The following GJD4 variants were observed in gnomAD, a reference collection of about 807,000 sequenced individuals.
GJD4 encodes the protein gap junction protein delta 4, also known as gap junction delta-4 protein.
Under a neutral mutation model 17.9 loss-of-function variants are expected in GJD4, and 18 were observed. The ratio of observed to expected loss-of-function variants is 1.00; its 90% CI spans 0.69 to 1.49. GJD4 has a LOEUF of 1.49. GJD4 is among the 40% of genes most tolerant of loss of function. GJD4 has a pLI of 0.00. For missense variants in GJD4, 639 were observed against 506.9 expected, an observed-to-expected ratio of 1.26 and a Z score of -2.50; for synonymous variants, 293 against 236.8, an observed-to-expected ratio of 1.24 and a Z score of -2.18.
In GJD4 at chr10:35,608,464, G is replaced by A. The variant is rs1235628693; in HGVS notation, c.951G>A (p.Glu317=). The A allele has an allele frequency of 1.3e-6, 2 of 1,548,616 alleles. No homozygotes were observed. Among genetic ancestry groups the A allele is most frequent in the South Asian group, 2.4e-5 (2 of 83,972 alleles). ...AGCCCCGGGGCAGGCCCCACCGAGA[G>A]GCCGCCCAGGACCCCAGGGGCTCAG... The part of the protein sequence containing the change: ...GRQPRGRPHR[E]AAQDPRGSGS... Residue 317 remains glutamate (E), a synonymous_variant, in exon 2 of 2, where the codon GAG becomes GAA. Transcript: ENST00000321660.
chr10:35,607,128 G>A (rs1835465490), intron 1 of GJD4: 1 of 154,500 alleles, frequency 6.5e-6, no homozygotes, highest in African/African-American at 2.4e-5. Flanking sequence ...TTTCTTTCTG[G>A]ACCTATCAGT....
In GJD4 at chr10:35,608,233, C is replaced by G. The variant is rs1329876204; in HGVS notation, c.720C>G (p.Ser240Arg). Residue 240 changes from serine to arginine, a missense_variant, in exon 2 of 2, where the codon AGC becomes AGG. Ser to Arg is a moderately radical substitution (Grantham distance 110). Transcript: ENST00000321660. ...PPTSPSIRKQ[S>R]GASGHAEGRR... is the part of the protein sequence containing the mutation. ...CAAGCCCCTCCATCCGGAAGCAGAGCGGAGCCTCAGGCCACGCGGAGGGAC... is the reference window on the plus strand; with the variant it reads ...CAAGCCCCTCCATCCGGAAGCAGAGGGGAGCCTCAGGCCACGCGGAGGGAC... The G allele has an allele frequency of 6.3e-7, 1 of 1,584,690 alleles. No homozygotes were observed. Among genetic ancestry groups the G allele is most frequent in the South Asian group, 1.1e-5 (1 of 88,478 alleles).
rs904680189 is a variant in GJD4 at position 35,608,766 on chromosome 10, C to T, written c.*140C>T. 1.7e-5 allele frequency: 10 copies of T among 595,106 alleles called. No homozygotes were observed. The highest frequency in any genetic ancestry group is 3.3e-5 in the East Asian group (1 of 30,728). 36.9% of individuals were successfully genotyped at this position (595,106 alleles called of 1,614,324 possible). A position where few individuals can be genotyped will look rare whatever the true frequency, so the allele number is the denominator to read the frequency against. Reference sequence around the variant, plus strand: ...AGCCTGGACAACATAATGAGACCCTCGTCTCTACAAAATATCTAAAAATTA... The same window carrying T: ...AGCCTGGACAACATAATGAGACCCTTGTCTCTACAAAATATCTAAAAATTA... On this transcript the variant is annotated 3_prime_UTR_variant, in exon 2 of 2. Transcript: ENST00000321660.
chr10:35,608,082 G>T lies in GJD4; in HGVS notation c.569G>T (p.Arg190Leu), dbSNP rs148604965. Residue 190 changes from arginine (R) to leucine (L), a missense_variant, in exon 2 of 2, where the codon CGG becomes CTG. Arg to Leu is a moderately radical substitution (Grantham distance 102, BLOSUM62 -2). Transcript: ENST00000321660. ...GGCGTGGTGGACTGCTACGTGTCGC[G>T]GCCCACAGAGAAGTCCCTGCTGATG... is the stretch of plus-strand genomic sequence containing the variant. ...CTGVVDCYVS[R>L]PTEKSLLMLF... 4.4e-6 allele frequency: 7 copies of T among 1,608,006 alleles called. No individual in the cohort carries two copies. Among genetic ancestry groups the T allele is most frequent in the Non-Finnish European group, 4.2e-6 (5 of 1,177,534 alleles).
In GJD4 at chr10:35,608,385, C is replaced by CGGATGA. The variant is rs1451494948; in HGVS notation, c.880_885dup (p.Asp294_Glu295dup). ...AGGGTGTCAGGGCACACGAAGATTC[C>CGGATGA]GGATGAGGATGAGAGTGAGGTGACA... is the stretch of plus-strand genomic sequence containing the variant. On this transcript the variant is annotated inframe_insertion, in exon 2 of 2. Coordinates refer to ENST00000321660, the MANE Select transcript of GJD4 (RefSeq NM_153368.3). 3.2e-6 allele frequency: 5 copies of CGGATGA among 1,551,492 alleles called. No homozygotes were observed. Among genetic ancestry groups the CGGATGA allele is most frequent in the Non-Finnish European group, 4.4e-6 (5 of 1,148,086 alleles).
In GJD4 at chr10:35,607,711, C is replaced by G. The variant is rs375125171; in HGVS notation, c.198C>G (p.Tyr66Ter). ...AGCCGGGATGCGCCAATGTTTGCTA[C>G]GACGTCTTCTCCCCCGTGTCTCACC... is the stretch of plus-strand genomic sequence containing the variant. ...TLQPGCANVC[Y>*]DVFSPVSHLR... Residue 66 changes from tyrosine (Y) to a stop codon, truncating the protein, a stop_gained, in exon 2 of 2, where the codon TAC (tyrosine) becomes TAG (stop). Transcript: ENST00000321660. LOFTEE classifies it low-confidence loss of function (END_TRUNC). 2 of 1,614,022 alleles carry G rather than the reference C, an allele frequency of 1.2e-6. No individual in the cohort carries two copies. The highest frequency in any genetic ancestry group is 1.1e-5 in the South Asian group (1 of 91,086).
rs1199043485 is a variant in GJD4, at chr10:35,608,653, G to A, written c.*27G>A. 1.4e-6 allele frequency: 2 copies of A among 1,444,716 alleles called. No individual in the cohort carries two copies. The highest frequency in any genetic ancestry group is 1.8e-6 in the Non-Finnish European group (2 of 1,094,454). 89.5% of individuals were successfully genotyped at this position (1,444,716 alleles called of 1,614,324 possible). ...AAAAACAGCACCTGGCGGTGCCCCGGGGCTCACGCCTGTAATCCCAACACT... is the reference window on the plus strand; with the variant it reads ...AAAAACAGCACCTGGCGGTGCCCCGAGGCTCACGCCTGTAATCCCAACACT... On this transcript the variant is annotated 3_prime_UTR_variant, in exon 2 of 2. Coordinates refer to ENST00000321660, the MANE Select transcript of GJD4 (RefSeq NM_153368.3).
intron 1 of GJD4, 75 bp downstream of exon 1, chr10:35,605,706 G>T: frequency 8.6e-7 from 1 of 1,166,738 alleles, no homozygotes; most frequent in Non-Finnish European, 1.3e-6. Flanking sequence ...AGTCCTTAAA[G>T]GGTCCAGGTA....
In GJD4 at chr10:35,608,024, A is replaced by C; in HGVS notation, c.511A>C (p.Lys171Gln). The C allele has an allele frequency of 6.2e-7, 1 of 1,611,332 alleles. No individual in the cohort carries two copies. Among genetic ancestry groups the C allele is most frequent in the South Asian group, 1.1e-5 (1 of 90,932 alleles). The change falls in exon 2 of 2, where the codon AAG becomes CAG. Residue 171 changes from lysine to glutamine, a missense_variant. Lys to Gln is a moderately conservative substitution (Grantham distance 53). Coordinates refer to ENST00000321660, the MANE Select transcript of GJD4 (RefSeq NM_153368.3). ...HYFLFGFLAP[K>Q]KFPCTRPPCT... Reference sequence around the variant, plus strand: ...CTTTCTCTTTGGATTCCTGGCCCCGAAGAAGTTCCCTTGCACGCGCCCTCC... The same window carrying C: ...CTTTCTCTTTGGATTCCTGGCCCCGCAGAAGTTCCCTTGCACGCGCCCTCC...
rs1354091811 is a variant in GJD4 at position 35,608,541 on chromosome 10, C to T, written c.1028C>T (p.Ser343Phe). Residue 343 changes from serine (S) to phenylalanine (F), a missense_variant, in exon 2 of 2, where the codon TCC becomes TTC. Physicochemically the swap from Ser to Phe is radical, Grantham distance 155. Coordinates refer to ENST00000321660, the MANE Select transcript of GJD4 (RefSeq NM_153368.3). ...AAPSRLAAPP[S>F]CSSLQPPDPP... ...CCCAGCCGCCTGGCCGCGCCCCCTT[C>T]CTGCAGCAGCCTGCAGCCCCCTGAC... 1 of 1,554,532 alleles carries T rather than the reference C, an allele frequency of 6.4e-7. No individual in the cohort carries two copies. Among genetic ancestry groups the T allele is most frequent in the Admixed American group, 2.0e-5 (1 of 51,208 alleles).
chr10:35,607,616 C>T lies in GJD4; in HGVS notation c.103C>T (p.Leu35=), dbSNP rs755414177. 6.2e-7 allele frequency: 1 copy of T among 1,614,218 alleles called. No individual in the cohort carries two copies. Among genetic ancestry groups the T allele is most frequent in the South Asian group, 1.1e-5 (1 of 91,086 alleles). ...CGTCCTCACGATGCTGCTGCGGATG[C>T]TGGTGATTGTCTTGGCGGGGCGACC... The part of the protein sequence containing the change: ...WFVLTMLLRM[L]VIVLAGRPVY... Residue 35 remains leucine (L), a synonymous_variant, in exon 2 of 2, where the codon CTG becomes TTG. Coordinates refer to ENST00000321660, the MANE Select transcript of GJD4 (RefSeq NM_153368.3).
Position 35,608,128 on chromosome 10 carries a change from C to G in GJD4, c.615C>G (p.Ser205Arg). The G allele has an allele frequency of 6.2e-7, 1 of 1,609,426 alleles. No homozygotes were observed. Among genetic ancestry groups the G allele is most frequent in the South Asian group, 1.1e-5 (1 of 90,668 alleles). The change falls in exon 2 of 2, where the codon AGC (serine) becomes AGG (arginine). Residue 205 changes from serine (S) to arginine (R), a missense_variant. Physicochemically the swap from Ser to Arg is moderately radical, Grantham distance 110 (BLOSUM62 -1). Coordinates refer to ENST00000321660, the MANE Select transcript of GJD4 (RefSeq NM_153368.3). ...TGATGCTGTTCCTCTGGGCGGTCAG[C>G]GCGCTGTCTTTTCTGCTGGGCCTCG... ...SLLMLFLWAV[S>R]ALSFLLGLAD...
Position 35,608,185 on chromosome 10 carries a change from G to A in GJD4, c.672G>A (p.Met224Ile). 1 of 1,596,290 alleles carries A rather than the reference G, an allele frequency of 6.3e-7. No homozygotes were observed. Among genetic ancestry groups the A allele is most frequent in the Non-Finnish European group, 8.5e-7 (1 of 1,175,532 alleles). The change falls in exon 2 of 2, where the codon ATG (methionine) becomes ATA (isoleucine). Residue 224 changes from methionine (M) to isoleucine (I), a missense_variant. By Grantham distance (10) the Met-to-Ile change is conservative (BLOSUM62 1). Coordinates refer to ENST00000321660, the MANE Select transcript of GJD4 (RefSeq NM_153368.3). The part of the protein sequence containing the change: ...ADLVCSLRRR[M>I]RRRPGPPTSP... ...TGGTCTGCAGCCTGCGGCGGCGGAT[G>A]CGCAGGAGGCCGGGACCCCCCACAA... is the stretch of plus-strand genomic sequence containing the variant.
chr10:35,607,398 C>A, intron 1 of GJD4, 180 bp from the exon 2 acceptor site: 1 of 609,876 alleles, frequency 1.6e-6, no homozygotes, highest in Non-Finnish European at 2.9e-6. Flanking sequence ...CCAGCCTGGG[C>A]AATATAGCAC....
intron 1 of GJD4, 172 bp downstream of exon 1, chr10:35,605,803 C>A: frequency 1.6e-6 from 1 of 611,072 alleles, no homozygotes. Flanking sequence ...GGGAAGAGAG[C>A]TGAGGCTTCT....
In GJD4 at chr10:35,605,521, G is replaced by A. The variant is rs757908099; in HGVS notation, c.-47G>A. 1.2e-5 allele frequency: 18 copies of A among 1,442,588 alleles called. No homozygotes were observed. The highest frequency in any genetic ancestry group is 8.4e-5 in the Admixed American group (5 of 59,760). The allele number at this position is 1,442,588 out of a possible 1,614,324, so 89.4% of individuals were successfully genotyped here. On this transcript the variant is annotated 5_prime_UTR_variant, in exon 1 of 2. Coordinates refer to ENST00000321660, the MANE Select transcript of GJD4 (RefSeq NM_153368.3). ...TTTATCCGCCTCCTTGGAGAACACAGCCCTCCAGTGTCTCCTGCAGCCTGG... is the reference window on the plus strand; with the variant it reads ...TTTATCCGCCTCCTTGGAGAACACAACCCTCCAGTGTCTCCTGCAGCCTGG...
intron 1 of GJD4, chr10:35,607,356 C>T: frequency 3.5e-6 from 2 of 569,924 alleles, no homozygotes; most frequent in Non-Finnish European, 6.3e-6. Flanking sequence ...GAGGCCAAGG[C>T]GGCAGGAGCA....
rs751575347 is a variant in GJD4 at position 35,607,680 on chromosome 10, C to G, written c.167C>G (p.Thr56Arg). The G allele has an allele frequency of 6.2e-7, 1 of 1,614,070 alleles. No homozygotes were observed. The highest frequency in any genetic ancestry group is 1.3e-5 in the African/African-American group (1 of 74,940). Reference protein sequence around the residue: ...QDEQERFVCNTLQPGCANVCY... With the variant: ...QDEQERFVCNRLQPGCANVCY... ...GAGCAGGAGAGGTTTGTCTGCAACACGCTGCAGCCGGGATGCGCCAATGTT... is the reference window on the plus strand; with the variant it reads ...GAGCAGGAGAGGTTTGTCTGCAACAGGCTGCAGCCGGGATGCGCCAATGTT... The change falls in exon 2 of 2, where the codon ACG (threonine) becomes AGG (arginine). Residue 56 changes from threonine (T) to arginine (R), a missense_variant. Coordinates refer to ENST00000321660, the MANE Select transcript of GJD4 (RefSeq NM_153368.3).
At position 35,608,501 on chromosome 10, in the gene GJD4, C is replaced by T; in HGVS notation, c.988C>T (p.Gln330Ter). 6.5e-7 allele frequency: 1 copy of T among 1,549,886 alleles called. No homozygotes were observed. The highest frequency in any genetic ancestry group is 8.7e-7 in the Non-Finnish European group (1 of 1,147,538). ...QDPRGSGSEE[Q>*]PSAAPSRLAA... is the part of the protein sequence containing the mutation. ...CCCCAGGGGCTCAGGATCCGAGGAG[C>T]AGCCCTCAGCAGCCCCCAGCCGCCT... Residue 330 changes from glutamine (Q) to a stop codon, truncating the protein, a stop_gained, in exon 2 of 2, where the codon CAG (glutamine) becomes TAG (stop). Coordinates refer to ENST00000321660, the MANE Select transcript of GJD4 (RefSeq NM_153368.3). LOFTEE classifies it high-confidence loss of function.
Sources: allele counts gnomAD v4.1 joint callset, GRCh38; gene constraint gnomAD v4.1.1; transcripts MANE v1.5; gene names NCBI Gene and HGNC (gene_info 2026-07-23, HGNC 2026-07-21).